Variants in PHF2 observed in about 807,000 individuals in gnomAD.
The protein encoded by PHF2 is lysine-specific demethylase PHF2.
Under a neutral mutation model 120.5 loss-of-function variants are expected in PHF2, and 27 were observed. The observed-to-expected ratio is 0.22, with a 90% confidence interval of 0.17 to 0.31. The LOEUF is 0.31. Among genes scored for constraint, PHF2 ranks in the 10% least tolerant of loss-of-function variants. The pLI, the probability that PHF2 is intolerant of heterozygous loss-of-function variation, is 1.00. For missense variants in PHF2, 1,024 were observed against 1,434.8 expected, an observed-to-expected ratio of 0.71 and a Z score of 4.63; for synonymous variants, 568 against 592.5, an observed-to-expected ratio of 0.96 and a Z score of 0.60.
intron 17 of PHF2, chr9:93,671,102 G>A (rs1397497115): frequency 5.3e-5 from 51 of 964,208 alleles, no homozygotes; most frequent in Non-Finnish European, 6.2e-5. Flanking sequence ...AGGTGTAGAC[G>A]CAGGTGGGGG....
intron 3 of PHF2, among the ~76,000 whole-genome samples, chr9:93,644,755 G>C (rs534988291): frequency 6.6e-6 from 1 of 152,300 alleles, no homozygotes; most frequent in African/African-American, 2.4e-5. Flanking sequence ...ATGGGCTGGG[G>C]CTGAGGGCTC....
intron 1 of PHF2, among the ~76,000 whole-genome samples, chr9:93,587,832 A>G (rs1051311296): frequency 5.3e-5 from 8 of 152,116 alleles, no homozygotes; most frequent in African/African-American, 1.7e-4. Context: ...CTAGTGGCCA[A>G]CTGTCCCTGG....
intron 1 of PHF2, among the ~76,000 whole-genome samples, chr9:93,598,442 G>C (rs1210504688): frequency 6.6e-6 from 1 of 152,264 alleles, no homozygotes; most frequent in South Asian, 2.1e-4. Flanking sequence ...GGCCCCGGGG[G>C]GCTGGATGTA....
chr9:93,631,630 G>A (rs988147826), intron 2 of PHF2, among the ~76,000 whole-genome samples: 2 of 152,206 alleles, frequency 1.3e-5, no homozygotes, highest in African/African-American at 4.8e-5. Flanking sequence ...AAAGCTCAGG[G>A]CCAAGCTGTC....
At chr9:93,667,994 C>T (rs929372534) in intron 17 of PHF2, among the ~76,000 whole-genome samples, 22 of 152,276 alleles carry the variant, frequency 1.4e-4, no homozygotes, top group Middle Eastern at 6.8e-3. Flanking sequence ...TCCACACAGC[C>T]CCAAGCTTGT....
intron 1 of PHF2, among the ~76,000 whole-genome samples, chr9:93,591,640 T>C (rs1047516515): frequency 1.3e-5 from 2 of 152,202 alleles, no homozygotes; most frequent in East Asian, 1.9e-4. Context: ...AGAATTCAGC[T>C]TCGATCCTAG....
In PHF2 at chr9:93,660,475, C is replaced by T. The variant is rs758703497; in HGVS notation, c.1613C>T (p.Ala538Val). ...KKKGKKSRES[A>V]SPTIPNLDLL... is the part of the protein sequence containing the mutation. ...AAAGGGAAGAAGTCCCGGGAGTCAG[C>T]CTCACCCACCATCCCCAACCTGGAC... Residue 538 changes from alanine (A) to valine (V), a missense_variant, in exon 12 of 22, where the codon GCC becomes GTC. Physicochemically the swap from Ala to Val is moderately conservative, Grantham distance 64. Around this residue, in one of 2 missense-constraint regions of PHF2, gnomAD observed 677 missense variants for 857.4 expected, o/e 0.79. Coordinates refer to ENST00000359246, the MANE Select transcript of PHF2 (RefSeq NM_005392.4). The T allele has an allele frequency of 3.4e-5, 55 of 1,601,262 alleles. No homozygotes were observed. The East Asian group carries it at 3.8e-4, about 11-fold the overall frequency.
rs114689898 is a variant in PHF2 at position 93,658,412 on chromosome 9, C to T, written c.1239+176C>T. 9.4e-3 allele frequency among the ~76,000 whole-genome samples: 1,437 copies of T among 152,254 alleles called. 29 individuals carry two copies. The highest frequency in any genetic ancestry group is 0.033 in the African/African-American group (1,376 of 41,542). ...CCGGGGTGTGCCTTTGCCCCAGACA[C>T]CCCATGGGTCCGTCCCCTGCTGTCC... On this transcript the variant is annotated intron_variant, in intron 10 of 21. Coordinates refer to ENST00000359246, the MANE Select transcript of PHF2 (RefSeq NM_005392.4).
At chr9:93,608,317 T>C (rs1825578159) in intron 1 of PHF2, among the ~76,000 whole-genome samples, 1 of 107,038 alleles carries the variant, frequency 9.3e-6, no homozygotes, top group African/African-American at 3.1e-5. Flanking sequence ...ATTGAGACAC[T>C]GTCTCATAAT....
In PHF2 at chr9:93,673,678, G is replaced by T. The variant is rs148170207; in HGVS notation, c.2442G>T (p.Thr814=). ...CCTCCGACTCCTGCCTGCAGACCAC[G>T]TGGGGAGCTGGCCAGGCCAAGGGGA... ...LQASDSCLQT[T]WGAGQAKGSS... is the part of the protein sequence containing the mutation. The change falls in exon 18 of 22, where the codon ACG becomes ACT. Residue 814 remains threonine, a synonymous_variant. Transcript: ENST00000359246. The T allele has an allele frequency of 6.8e-6, 11 of 1,612,722 alleles. No individual in the cohort carries two copies. The African/African-American group carries it at 9.3e-5, about 14-fold the overall frequency.
chr9:93,619,781 G>T lies in PHF2; in HGVS notation c.99-10189G>T, dbSNP rs76133471. Among the ~76,000 whole-genome samples the T allele has an allele frequency of 9.0e-3, 1,371 of 152,308 alleles. 49 individuals carry two copies. The highest frequency in any genetic ancestry group is 0.065 in the Admixed American group (998 of 15,302). On this transcript the variant is annotated intron_variant, in intron 1 of 21. Transcript: ENST00000359246. ...GTTGTCGCAGGAAGAAACTCAGGGG[G>T]TGCTGCTCTTAGCCAGGGTTAAAAA...
intron 19 of PHF2, 57 bp from the exon 20 acceptor site, chr9:93,675,623 G>A: frequency 7.2e-7 from 1 of 1,381,964 alleles, no homozygotes; most frequent in Non-Finnish European, 1.0e-6. Flanking sequence ...CCCAAACCAG[G>A]AGGGGTGGAC....
At chr9:93,673,916 G>C (rs1351966367) in intron 18 of PHF2, 54 bp downstream of exon 18, 2 of 1,498,912 alleles carry the variant, frequency 1.3e-6, no homozygotes, top group African/African-American at 2.8e-5. Context: ...AGAAGGCCTG[G>C]CTGAGAATGG....
At chr9:93,630,116 G>A (rs1234819566) in intron 2 of PHF2, 61 bp downstream of exon 2, 6 of 1,520,026 alleles carry the variant, frequency 3.9e-6, no homozygotes, top group Middle Eastern at 2.3e-4. Context: ...ACCCTGCCTG[G>A]GCTGCGTGGA....
intron 3 of PHF2, among the ~76,000 whole-genome samples, chr9:93,638,782 G>A (rs1011579831): frequency 2.6e-5 from 4 of 152,064 alleles, no homozygotes; most frequent in South Asian, 2.1e-4. Flanking sequence ...ACAGTAGCAC[G>A]ATCTTGGCTT....
intron 5 of PHF2, among the ~76,000 whole-genome samples, chr9:93,651,868 G>A (rs1310021430): frequency 1.3e-5 from 2 of 152,208 alleles, no homozygotes; most frequent in Non-Finnish European, 2.9e-5. Context: ...GGTGTGTGGT[G>A]TTTGAAGGAC....
intron 9 of PHF2, among the ~76,000 whole-genome samples, chr9:93,657,607 G>A (rs960930244): frequency 1.3e-5 from 2 of 152,228 alleles, no homozygotes; most frequent in Admixed American, 6.5e-5. Flanking sequence ...GGACTGAGAG[G>A]ACCCAGGGAG....
intron 1 of PHF2, 139 bp from the exon 2 acceptor site, chr9:93,629,831 C>A (rs1825970332): frequency 1.3e-6 from 1 of 780,498 alleles, no homozygotes; most frequent in Non-Finnish European, 2.2e-6. Context: ...CCTAGTAGAA[C>A]ACTGTCCCTG....
chr9:93,587,564 G>A (rs1342932177), intron 1 of PHF2, among the ~76,000 whole-genome samples: 4 of 151,612 alleles, frequency 2.6e-5, no homozygotes, highest in Non-Finnish European at 4.4e-5. Context: ...AGGGATGATG[G>A]AGGAGTCCTG....
Sources: gnomAD v4.1 joint callset for allele counts (sites outside exome capture counted in the v4.1 genomes callset) on GRCh38, gnomAD v4.1.1 for gene constraint, gnomAD v4.1.1 regional missense constraint, MANE v1.5 for transcripts, NCBI Gene and HGNC (gene_info 2026-07-23, HGNC 2026-07-21) for gene names.